TNS3: variants seen among roughly 807,000 people sequenced by gnomAD.
The protein encoded by TNS3 is tensin 3, also known as tensin-3.
Under a neutral mutation model 140.9 loss-of-function variants are expected in TNS3, and 45 were observed. That is an observed-to-expected ratio of 0.32 (90% CI 0.25 to 0.41). The LOEUF (loss-of-function observed/expected upper bound fraction) is 0.41. TNS3 is among the 10% of genes least tolerant of loss of function. The probability of loss-of-function intolerance (pLI) is 1.00; values close to 1 mark genes in which losing one functional copy is unlikely to be tolerated. For missense variants in TNS3, 1,716 were observed against 1,906.7 expected, an observed-to-expected ratio of 0.90 and a Z score of 1.86; for synonymous variants, 815 against 788.4, an observed-to-expected ratio of 1.03 and a Z score of -0.56.
intron 9 of TNS3, among the ~76,000 whole-genome samples, chr7:47,425,047 G>A (rs186266448): frequency 2.0e-5 from 3 of 152,286 alleles, no homozygotes; most frequent in South Asian, 2.1e-4. Flanking sequence ...GGCTGGGTGC[G>A]GTGGCTCACG....
intron 1 of TNS3, among the ~76,000 whole-genome samples, chr7:47,542,404 C>A (rs1799811981): frequency 6.6e-6 from 1 of 152,194 alleles, no homozygotes; most frequent in African/African-American, 2.4e-5. Context: ...CTTAGTCCCT[C>A]TGACGTGTGC....
At chr7:47,303,760 C>T (rs1180993963) in intron 21 of TNS3, among the ~76,000 whole-genome samples, 176 bp from the exon 22 acceptor site, 1 of 152,230 alleles carries the variant, frequency 6.6e-6, no homozygotes, top group African/African-American at 2.4e-5. Flanking sequence ...TGAGCTCACG[C>T]TGCCTGCCTT....
chr7:47,379,947 A>T (rs1791645333), intron 16 of TNS3, among the ~76,000 whole-genome samples: 1 of 152,248 alleles, frequency 6.6e-6, no homozygotes, highest in African/African-American at 2.4e-5. Context: ...CAGAAAAAAA[A>T]TTAACAAAAG....
Position 47,462,346 on chromosome 7 carries a change from T to G in TNS3, c.-76+18757A>C, listed in dbSNP as rs548979729. On this transcript the variant is annotated intron_variant, in intron 4 of 30. Transcript: ENST00000311160. ...TTTGCTTGTATTCTCTCTCCATCCT[T>G]GTAGCAGCCTGCTGAGCAAGGAACC... is the stretch of plus-strand genomic sequence containing the variant. Among the ~76,000 whole-genome samples the G allele has an allele frequency of 2.6e-5, 4 of 152,288 alleles. No homozygotes were observed. The South Asian group carries it at 8.3e-4, about 32-fold the overall frequency.
intron 4 of TNS3, among the ~76,000 whole-genome samples, chr7:47,478,977 G>A (rs939883541): frequency 1.3e-5 from 2 of 152,140 alleles, no homozygotes; most frequent in Admixed American, 6.6e-5. Flanking sequence ...AGGGGAGTGG[G>A]CAGGAGCCAG....
chr7:47,380,144 G>T (rs530360857), intron 16 of TNS3, among the ~76,000 whole-genome samples: 4 of 152,254 alleles, frequency 2.6e-5, no homozygotes, highest in African/African-American at 9.6e-5. Flanking sequence ...GCTCCGAGTG[G>T]GGCTGTGGCA....
intron 2 of TNS3, among the ~76,000 whole-genome samples, chr7:47,521,222 C>G (rs906022263): frequency 7.2e-5 from 11 of 152,284 alleles, no homozygotes; most frequent in African/African-American, 2.6e-4. Flanking sequence ...ATTGCCTGTC[C>G]CTCCTCTGTG....
chr7:47,516,071 A>G (rs1222214948), intron 2 of TNS3, among the ~76,000 whole-genome samples: 1 of 152,260 alleles, frequency 6.6e-6, no homozygotes, highest in Non-Finnish European at 1.5e-5. Context: ...ATCTATGTAA[A>G]GGGAATACCT....
At chr7:47,503,014 C>T (rs932423538) in intron 3 of TNS3, among the ~76,000 whole-genome samples, 31 of 152,094 alleles carry the variant, frequency 2.0e-4, no homozygotes, top group African/African-American at 6.8e-4. Context: ...CTGTGTTTTT[C>T]CTGGATTAAA....
chr7:47,358,999 C>A (rs553525916), intron 17 of TNS3, among the ~76,000 whole-genome samples: 2 of 152,134 alleles, frequency 1.3e-5, no homozygotes, highest in African/African-American at 4.8e-5. Context: ...AGTTCCCCAG[C>A]AAGTTACAGA....
chr7:47,525,200 A>C lies in TNS3; in HGVS notation c.-153+3836T>G, dbSNP rs1045496915. Among the ~76,000 whole-genome samples the C allele has an allele frequency of 5.9e-5, 9 of 152,156 alleles. 1 individual carries two copies. Among genetic ancestry groups the C allele is most frequent in the Admixed American group, 4.6e-4 (7 of 15,280 alleles). ...GTCCTCCAGGCCAAAGTGGGCCTTG[A>C]ATCCTCGGAGGTGACGCTCTAGGTG... On this transcript the variant is annotated intron_variant, in intron 2 of 30. Transcript: ENST00000311160.
intron 23 of TNS3, among the ~76,000 whole-genome samples, chr7:47,301,062 A>G (rs893178913): frequency 9.9e-5 from 15 of 152,198 alleles, no homozygotes; most frequent in African/African-American, 3.6e-4. Context: ...CTGCCACTCA[A>G]CTATTCATTT....
intron 24 of TNS3, among the ~76,000 whole-genome samples, chr7:47,294,210 G>A (rs899025470): frequency 2.0e-5 from 3 of 152,122 alleles, no homozygotes; most frequent in Non-Finnish European, 2.9e-5. Flanking sequence ...GGTGAGAAAG[G>A]CTCAGACACA....
chr7:47,413,514 T>G (rs1019761318), intron 12 of TNS3, among the ~76,000 whole-genome samples: 8 of 151,452 alleles, frequency 5.3e-5, no homozygotes, highest in Non-Finnish European at 1.0e-4. Context: ...CCGAGACGGG[T>G]AGATCACTTG....
At chr7:47,518,820 C>T (rs991782553) in intron 2 of TNS3, among the ~76,000 whole-genome samples, 8 of 152,140 alleles carry the variant, frequency 5.3e-5, no homozygotes, top group Non-Finnish European at 1.2e-4. Context: ...TGTGGCAGAC[C>T]GGGAAACTGA....
At chr7:47,578,661 GAGGGACCCTGA>G (rs1800732523) in intron 1 of TNS3, among the ~76,000 whole-genome samples, 6 of 152,186 alleles carry the variant, frequency 3.9e-5, no homozygotes, top group Non-Finnish European at 7.3e-5. Flanking sequence ...GGAGACACCC[GAGGGACCCTGA>G]GCTCAGCACT....
chr7:47,438,298 C>T (rs370700901), intron 6 of TNS3, among the ~76,000 whole-genome samples: 28 of 152,146 alleles, frequency 1.8e-4, no homozygotes, highest in African/African-American at 6.3e-4. Flanking sequence ...CTGACAAGGC[C>T]CCACAGACAG....
At chr7:47,479,899 C>T (rs1346759355) in intron 4 of TNS3, among the ~76,000 whole-genome samples, 3 of 152,094 alleles carry the variant, frequency 2.0e-5, no homozygotes, top group Admixed American at 1.3e-4. Context: ...GGGCAGGGGG[C>T]GAGGGCAGGG....
chr7:47,317,065 T>G (rs1368125831), intron 20 of TNS3, among the ~76,000 whole-genome samples: 1 of 152,260 alleles, frequency 6.6e-6, no homozygotes, highest in Non-Finnish European at 1.5e-5. Flanking sequence ...AAAATCCTGA[T>G]GTCAACATAA....
Sources: allele counts gnomAD v4.1 joint callset (sites outside exome capture counted in the v4.1 genomes callset), GRCh38; gene constraint gnomAD v4.1.1; transcripts MANE v1.5; gene names NCBI Gene and HGNC (gene_info 2026-07-23, HGNC 2026-07-21).